Variants in DST observed in about 807,000 individuals in gnomAD.
DST encodes the protein dystonin.
In DST, 253 loss-of-function variants were observed where a neutral mutation model predicts 875.2. That is an observed-to-expected ratio of 0.29 (90% CI 0.26 to 0.32). DST has a LOEUF of 0.32. Among genes scored for constraint, DST ranks in the 10% least tolerant of loss-of-function variants. The probability of loss-of-function intolerance (pLI) is 1.00; values close to 1 mark genes in which losing one functional copy is unlikely to be tolerated. For synonymous variants in DST, 3,124 were observed against 3,197.1 expected (o/e 0.98, Z 0.77); for missense variants, 8,287 against 9,111.6 (o/e 0.91, Z 3.68).
intron 12 of DST, among the ~76,000 whole-genome samples, chr6:56,650,348 A>G (rs1211681026): frequency 6.7e-6 from 1 of 150,156 alleles, no homozygotes; most frequent in East Asian, 1.9e-4. Context: ...AAAAAAAAAA[A>G]GCATCACTGA....
intron 4 of DST, among the ~76,000 whole-genome samples, chr6:56,808,962 C>T (rs1263577120): frequency 6.6e-6 from 1 of 152,096 alleles, no homozygotes; most frequent in Non-Finnish European, 1.5e-5. Context: ...AATGTGAATC[C>T]CACAGTGCGG....
chr6:56,616,940 G>A (rs1267648766), intron 36 of DST: 1 of 1,604,776 alleles, frequency 6.2e-7, no homozygotes, highest in Admixed American at 1.7e-5. Flanking sequence ...AAAACCTGTT[G>A]CAGCCTGAGC....
chr6:56,810,226 C>T (rs999309350), intron 4 of DST, among the ~76,000 whole-genome samples: 1 of 152,154 alleles, frequency 6.6e-6, no homozygotes, highest in African/African-American at 2.4e-5. Context: ...GAAAAGATCG[C>T]TTGAGCCCAG....
intron 4 of DST, among the ~76,000 whole-genome samples, chr6:56,839,145 A>G (rs1212915949): frequency 6.6e-6 from 1 of 152,204 alleles, no homozygotes; most frequent in Non-Finnish European, 1.5e-5. Flanking sequence ...GAATGGAGAT[A>G]TAAGGGCTGG....
Position 56,639,676 on chromosome 6 carries a change from G to A in DST, c.2697+20C>T. On this transcript the variant is annotated intron_variant, in intron 20 of 103. Transcript: ENST00000680361. ...CAAATATAGATAAGGGAAACAGAAG[G>A]TTTAAAAAAAAAAACTTACCAAGAG... 3.1e-6 allele frequency: 5 copies of A among 1,610,890 alleles called. No individual in the cohort carries two copies. The highest frequency in any genetic ancestry group is 4.2e-6 in the Non-Finnish European group (5 of 1,177,790).
chr6:56,850,783 G>A (rs913195739), intron 4 of DST, among the ~76,000 whole-genome samples: 1 of 152,180 alleles, frequency 6.6e-6, no homozygotes, highest in Non-Finnish European at 1.5e-5. Context: ...GGAACACCGG[G>A]TAACACAGAA....
intron 10 of DST, 157 bp downstream of exon 10, chr6:56,670,484 C>T (rs2099095923): frequency 5.3e-6 from 3 of 568,886 alleles, no homozygotes; most frequent in Non-Finnish European, 8.5e-6. Flanking sequence ...CAGGCATGGG[C>T]CACTGCACCT....
rs181759397 is a variant in DST, at chr6:56,621,008, C to A, written c.4929+3522G>T. Reference sequence around the variant, plus strand: ...AATTTTATAGCAAGAAGGGAATTTACAACAGATGAGGAAAGGGAGAAACGA... The same window carrying A: ...AATTTTATAGCAAGAAGGGAATTTAAAACAGATGAGGAAAGGGAGAAACGA... On this transcript the variant is annotated intron_variant, in intron 36 of 103. Coordinates refer to ENST00000680361, the MANE Select transcript of DST (RefSeq NM_001374736.1). Among the ~76,000 whole-genome samples the A allele has an allele frequency of 3.3e-3, 496 of 152,244 alleles. 2 individuals are homozygous for A. The highest frequency in any genetic ancestry group is 0.011 in the African/African-American group (477 of 41,540).
In DST at chr6:56,610,571, C is replaced by A; in HGVS notation, c.5148-9G>T. ...TTTCTTCATCTGTCATTCTAAATAA[C>A]CAGAAATGATAAAAAGACTAATGCA... On this transcript the variant is annotated splice_polypyrimidine_tract_variant and intron_variant, in intron 38 of 103. Transcript: ENST00000680361. The A allele has an allele frequency of 5.7e-6, 9 of 1,568,376 alleles. No individual in the cohort carries two copies. Among genetic ancestry groups the A allele is most frequent in the Non-Finnish European group, 6.9e-6 (8 of 1,160,830 alleles).
chr6:56,613,967 C>A (rs2098582661), intron 37 of DST, among the ~76,000 whole-genome samples: 1 of 152,124 alleles, frequency 6.6e-6, no homozygotes, highest in Admixed American at 6.5e-5. Flanking sequence ...TTTATGTTTA[C>A]ATCTGTAAGA....
rs1157658637 is a variant in DST, at chr6:56,600,196, T to C, written c.11567A>G (p.Tyr3856Cys). The change falls in exon 45 of 104, where the codon TAT (tyrosine) becomes TGT (cysteine). Residue 3856 changes from tyrosine (Y) to cysteine (C), a missense_variant. By Grantham distance (194) the Tyr-to-Cys change is radical (BLOSUM62 -2). Transcript: ENST00000680361. ...QKIVAERQQE[Y>C]KEKLQGICDL... ...ACATATCCCTTGGAGTTTCTCTTTA[T>C]ACTCCTGCTGACGCTCTGCTACAAT... 3.7e-6 allele frequency: 6 copies of C among 1,612,516 alleles called. No individual in the cohort carries two copies. Among genetic ancestry groups the C allele is most frequent in the Non-Finnish European group, 5.1e-6 (6 of 1,178,966 alleles).
Position 56,618,350 on chromosome 6 carries a change from A to G in DST, c.4930-3866T>C. The G allele has an allele frequency of 3.7e-6, 6 of 1,614,168 alleles. No individual in the cohort carries two copies. The South Asian group carries it at 4.4e-5, about 12-fold the overall frequency. On this transcript the variant is annotated intron_variant, in intron 36 of 103. Transcript: ENST00000680361. ...AAGGTGTCCAGTGTTTCTAGAGGAC[A>G]GCTCTCCAGAGTGCTGGCACTCCTT... is the stretch of plus-strand genomic sequence containing the variant.
At chr6:56,635,475 T>C in intron 24 of DST, 114 bp downstream of exon 24, 2 of 1,081,124 alleles carry the variant, frequency 1.8e-6, no homozygotes, top group Admixed American at 4.2e-5. Flanking sequence ...AAATGTGTAA[T>C]TGAATTAGTG....
chr6:56,641,857 T>C, intron 17 of DST, 90 bp downstream of exon 17: 1 of 1,043,862 alleles, frequency 9.6e-7, no homozygotes, highest in Non-Finnish European at 1.3e-6. Context: ...ATATATTTCA[T>C]AAAATTTTCA....
At chr6:56,703,098 T>G (rs2099317486) in intron 7 of DST, among the ~76,000 whole-genome samples, 2 of 152,144 alleles carry the variant, frequency 1.3e-5, no homozygotes, top group Admixed American at 1.3e-4. Flanking sequence ...GCTCTGTGAG[T>G]TCTGTTGGAA....
intron 4 of DST, among the ~76,000 whole-genome samples, chr6:56,847,771 T>C (rs977162733): frequency 6.6e-6 from 1 of 152,248 alleles, no homozygotes; most frequent in Non-Finnish European, 1.5e-5. Flanking sequence ...TAGGTGCTTA[T>C]AGCCATCTCA....
chr6:56,515,387 AC>A, intron 72 of DST, 62 bp downstream of exon 72: 1 of 1,558,212 alleles, frequency 6.4e-7, no homozygotes. Context: ...ACTAAAAACC[AC>A]CATAAAAATC....
intron 2 of DST, among the ~76,000 whole-genome samples, chr6:56,924,192 G>A (rs1805794547): frequency 6.6e-6 from 1 of 152,080 alleles, no homozygotes; most frequent in Admixed American, 6.6e-5. Context: ...CCATGGCCCA[G>A]CCAAGTTGAC....
At chr6:56,906,193 C>T (rs534932896) in intron 2 of DST, among the ~76,000 whole-genome samples, 62 of 152,298 alleles carry the variant, frequency 4.1e-4, no homozygotes, top group African/African-American at 1.4e-3. Context: ...TACATTCCCA[C>T]CTACAGTGTA....
Sources: allele counts gnomAD v4.1 joint callset (sites outside exome capture counted in the v4.1 genomes callset), GRCh38; gene constraint gnomAD v4.1.1; transcripts MANE v1.5; gene names NCBI Gene and HGNC (gene_info 2026-07-23, HGNC 2026-07-21).